PDZRN3: variants seen among roughly 807,000 people sequenced by gnomAD.
PDZRN3 encodes PDZ domain containing ring finger 3.
In PDZRN3, 38 loss-of-function variants were observed where a neutral mutation model predicts 85.7. The ratio of observed to expected loss-of-function variants is 0.44; its 90% confidence interval spans 0.34 to 0.58. The LOEUF (loss-of-function observed/expected upper bound fraction) is 0.58. PDZRN3 is among the 20% of genes least tolerant of loss of function. The probability of loss-of-function intolerance (pLI) is 0.01; values close to 1 mark genes in which losing one functional copy is unlikely to be tolerated. For synonymous variants in PDZRN3, 759 were observed against 638.0 expected, an observed-to-expected ratio of 1.19 and a Z score of -2.86; for missense variants, 1,629 against 1,506.4, an observed-to-expected ratio of 1.08 and a Z score of -1.35.
intron 3 of PDZRN3, among the ~76,000 whole-genome samples, chr3:73,420,243 G>A (rs1180705737): frequency 6.6e-6 from 1 of 152,178 alleles, no homozygotes. Context: ...ATCGTAACTG[G>A]GTCCCATCCT....
intron 3 of PDZRN3, among the ~76,000 whole-genome samples, chr3:73,555,146 A>AT (rs897410433): frequency 2.9e-4 from 43 of 150,824 alleles, no homozygotes; most frequent in Middle Eastern, 3.4e-3. Context: ...AGAGCCAGTA[A>AT]TTTTTTTTTT....
chr3:73,622,168 G>A (rs1374162347), intron 1 of PDZRN3, among the ~76,000 whole-genome samples: 1 of 152,218 alleles, frequency 6.6e-6, no homozygotes, highest in African/African-American at 2.4e-5. Context: ...GCTCACACCA[G>A]TCTTTTGTGT....
At chr3:73,505,276 T>C (rs1704049823) in intron 3 of PDZRN3, among the ~76,000 whole-genome samples, 1 of 152,184 alleles carries the variant, frequency 6.6e-6, no homozygotes, top group African/African-American at 2.4e-5. Context: ...ATTGAGCCCT[T>C]TGAGAAAACC....
At chr3:73,448,194 C>T (rs2106835898) in intron 3 of PDZRN3, among the ~76,000 whole-genome samples, 1 of 152,318 alleles carries the variant, frequency 6.6e-6, no homozygotes, top group Non-Finnish European at 1.5e-5. Context: ...CAAATCCCAG[C>T]TCAGCTTCTT....
At chr3:73,416,594 C>T (rs761760165) in intron 3 of PDZRN3, among the ~76,000 whole-genome samples, 1 of 152,078 alleles carries the variant, frequency 6.6e-6, no homozygotes, top group Non-Finnish European at 1.5e-5. Flanking sequence ...CTTCCTAAGA[C>T]TCTGGAATCA....
At chr3:73,584,977 A>T (rs139901343) in intron 3 of PDZRN3, among the ~76,000 whole-genome samples, 24 of 152,246 alleles carry the variant, frequency 1.6e-4, no homozygotes, top group African/African-American at 5.5e-4. Flanking sequence ...AGAAATCTTT[A>T]AAAAAATTTT....
chr3:73,400,653 TTGACAAC>T (rs1406909278), intron 5 of PDZRN3, among the ~76,000 whole-genome samples: 1 of 152,210 alleles, frequency 6.6e-6, no homozygotes, highest in African/African-American at 2.4e-5. Context: ...GATTCAAAGG[TTGACAAC>T]AGGATTTACT....
At position 73,404,187 on chromosome 3, in the gene PDZRN3, G is replaced by C. The variant is rs748643984; in HGVS notation, c.1127C>G (p.Pro376Arg). The change falls in exon 4 of 10, where the codon CCC (proline) becomes CGC (arginine). Residue 376 changes from proline (P) to arginine (R), a missense_variant. Physicochemically the swap from Pro to Arg is moderately radical, Grantham distance 103 (BLOSUM62 -2). Transcript: ENST00000263666. Reference sequence around the variant, plus strand: ...ATAGGGATCCAGCACGGGTGGGCTGGGAGAGGACATCTTAGTGAGGGCCAT... The same window carrying C: ...ATAGGGATCCAGCACGGGTGGGCTGCGAGAGGACATCTTAGTGAGGGCCAT... ...HIMALTKMSS[P>R]SPPVLDPYLL... The C allele has an allele frequency of 1.1e-5, 17 of 1,613,934 alleles. No individual in the cohort carries two copies.
intron 3 of PDZRN3, among the ~76,000 whole-genome samples, chr3:73,546,018 C>T (rs1478701374): frequency 6.6e-6 from 1 of 152,200 alleles, no homozygotes; most frequent in Non-Finnish European, 1.5e-5. Context: ...AGAACAGTAG[C>T]TGCCTGAGGG....
intron 3 of PDZRN3, among the ~76,000 whole-genome samples, chr3:73,572,717 T>C (rs1702062387): frequency 6.6e-6 from 1 of 152,124 alleles, no homozygotes; most frequent in Non-Finnish European, 1.5e-5. Flanking sequence ...CTCAGAGAAA[T>C]AATTACATCA....
intron 3 of PDZRN3, among the ~76,000 whole-genome samples, chr3:73,497,070 T>C (rs1309456696): frequency 1.3e-5 from 2 of 152,230 alleles, no homozygotes; most frequent in Admixed American, 6.5e-5. Flanking sequence ...TTATTTTCTA[T>C]GCTTAAAAAT....
intron 3 of PDZRN3, among the ~76,000 whole-genome samples, chr3:73,469,096 T>C (rs1164709582): frequency 2.0e-5 from 3 of 151,324 alleles, no homozygotes; most frequent in Non-Finnish European, 4.4e-5. Context: ...TTTTTTGAGA[T>C]GAAGTCTCAC....
At chr3:73,432,074 G>A (rs1381415897) in intron 3 of PDZRN3, among the ~76,000 whole-genome samples, 3 of 152,194 alleles carry the variant, frequency 2.0e-5, no homozygotes, top group Non-Finnish European at 4.4e-5. Flanking sequence ...ACTACCTTTT[G>A]ACTTACTATG....
chr3:73,489,990 G>C (rs967378349), intron 3 of PDZRN3, among the ~76,000 whole-genome samples: 3 of 152,180 alleles, frequency 2.0e-5, no homozygotes, highest in Non-Finnish European at 4.4e-5. Context: ...GTAGCTTGTG[G>C]AATCAGCCAA....
chr3:73,465,815 TA>T (rs1435858462), intron 3 of PDZRN3, among the ~76,000 whole-genome samples: 3 of 152,240 alleles, frequency 2.0e-5, no homozygotes, highest in Admixed American at 6.5e-5. Flanking sequence ...TGATATACCA[TA>T]AGTTTTGTTG....
intron 3 of PDZRN3, among the ~76,000 whole-genome samples, chr3:73,502,443 T>C (rs1703996857): frequency 6.6e-6 from 1 of 152,266 alleles, no homozygotes; most frequent in Non-Finnish European, 1.5e-5. Context: ...TGAGAAAAGA[T>C]ACTGAGTTCT....
At chr3:73,438,708 T>C (rs1702577857) in intron 3 of PDZRN3, among the ~76,000 whole-genome samples, 1 of 152,226 alleles carries the variant, frequency 6.6e-6, no homozygotes, top group Admixed American at 6.5e-5. Flanking sequence ...ACTTGTCTTC[T>C]TCCCGGGTGG....
chr3:73,545,836 T>A (rs750610119), intron 3 of PDZRN3, among the ~76,000 whole-genome samples: 1 of 152,144 alleles, frequency 6.6e-6, no homozygotes, highest in Admixed American at 6.5e-5. Context: ...CCACACCACA[T>A]TAGAAGGGTT....
chr3:73,600,337 A>ACACACACACACTCTCTCTCT lies in PDZRN3; in HGVS notation c.918+2016_918+2017insAGAGAGAGAGTGTGTGTGTG, dbSNP rs34405662. Among the ~76,000 whole-genome samples, 66 of 100,068 alleles carry ACACACACACACTCTCTCTCT rather than the reference A, an allele frequency of 6.6e-4. 1 individual carries two copies. The highest frequency in any genetic ancestry group is 1.8e-3 in the African/African-American group (42 of 23,430). The allele number at this position is 100,068 out of a possible 152,430, so 65.6% of individuals were successfully genotyped here. On this transcript the variant is annotated intron_variant, in intron 3 of 9. Coordinates refer to ENST00000263666, the MANE Select transcript of PDZRN3 (RefSeq NM_015009.3). ...CACACACACACACACACACACACAC[A>ACACACACACACTCTCTCTCT]CTCTCTCTCTCTCTCTCTCTCTCTC...
Sources: gnomAD v4.1 joint callset for allele counts (sites outside exome capture counted in the v4.1 genomes callset) on GRCh38, gnomAD v4.1.1 for gene constraint, MANE v1.5 for transcripts, NCBI Gene and HGNC (gene_info 2026-07-23, HGNC 2026-07-21) for gene names.